Variants in ZDHHC21 observed in about 807,000 individuals in gnomAD.
The protein encoded by ZDHHC21 is palmitoyltransferase ZDHHC21.
Under a neutral mutation model 34.6 loss-of-function variants are expected in ZDHHC21, and 15 were observed. That is an observed-to-expected ratio of 0.43 (90% CI 0.29 to 0.67). The LOEUF is 0.67. ZDHHC21 is among the 30% of genes least tolerant of loss of function. ZDHHC21 has a pLI of 0.14. For synonymous variants in ZDHHC21, 142 were observed against 101.8 expected (o/e 1.40, Z -2.38); for missense variants, 344 against 327.7 (o/e 1.05, Z -0.38).
intron 5 of ZDHHC21, among the ~76,000 whole-genome samples, chr9:14,672,380 A>T (rs1835622504): frequency 6.6e-6 from 1 of 152,090 alleles, no homozygotes; most frequent in African/African-American, 2.4e-5. Flanking sequence ...AGCACCAAAA[A>T]GTACATTATG....
rs1401627684 is a variant in ZDHHC21, at chr9:14,613,656, T to C, written c.*5310A>G. The C allele has an allele frequency of 1.3e-5, 2 of 151,790 alleles. No homozygotes were observed. The highest frequency in any genetic ancestry group is 3.0e-5 in the Non-Finnish European group (2 of 67,770). 9.4% of individuals were successfully genotyped at this position (151,790 alleles called of 1,614,324 possible). On this transcript the variant is annotated 3_prime_UTR_variant, in exon 10 of 10. Transcript: ENST00000380916. ...AGAACGACATTACATGTTACAGATA[T>C]TCAAAATACCAATAGAAATGGAGAC...
At chr9:14,654,559 G>C (rs909289982) in intron 7 of ZDHHC21, among the ~76,000 whole-genome samples, 1 of 151,930 alleles carries the variant, frequency 6.6e-6, no homozygotes, top group African/African-American at 2.4e-5. Flanking sequence ...GACCCACAAG[G>C]GGATCTCAAA....
chr9:14,624,241 C>T (rs1356335567), intron 8 of ZDHHC21, among the ~76,000 whole-genome samples: 2 of 152,024 alleles, frequency 1.3e-5, no homozygotes, highest in Non-Finnish European at 2.9e-5. Flanking sequence ...TATTCAAATA[C>T]TACACCATTT....
chr9:14,675,255 T>G (rs1357749947), intron 3 of ZDHHC21, among the ~76,000 whole-genome samples: 1 of 151,878 alleles, frequency 6.6e-6, no homozygotes, highest in Non-Finnish European at 1.5e-5. Flanking sequence ...ATCCATACTT[T>G]GGTAGATATA....
At chr9:14,678,408 T>C (rs928811815) in intron 3 of ZDHHC21, among the ~76,000 whole-genome samples, 2 of 151,678 alleles carry the variant, frequency 1.3e-5, no homozygotes, top group Non-Finnish European at 1.5e-5. Flanking sequence ...AACATAAATA[T>C]ATAAAGAAGC....
intron 8 of ZDHHC21, among the ~76,000 whole-genome samples, chr9:14,635,734 A>C (rs1263474009): frequency 6.6e-6 from 1 of 152,164 alleles, no homozygotes; most frequent in Non-Finnish European, 1.5e-5. Flanking sequence ...AAAACACATG[A>C]AAGTATAAAA....
chr9:14,678,954 G>C (rs1023466570), intron 3 of ZDHHC21, among the ~76,000 whole-genome samples: 2 of 151,970 alleles, frequency 1.3e-5, no homozygotes, highest in Non-Finnish European at 2.9e-5. Context: ...AGTGGAGAGG[G>C]AACAGACCGT....
At chr9:14,605,243 A>G in the ZDHHC21 span, among the ~76,000 whole-genome samples, 1 of 151,282 alleles carries the variant, frequency 6.6e-6, no homozygotes, top group Non-Finnish European at 1.5e-5. Context: ...GGAATCCTGA[A>G]TCATATAGCA....
At chr9:14,619,752 C>T in intron 8 of ZDHHC21, 70 bp from the exon 9 acceptor site, 2 of 917,568 alleles carry the variant, frequency 2.2e-6, no homozygotes, top group South Asian at 2.0e-5. Context: ...TCCACTCTAT[C>T]ATGTTTTTAA....
chr9:14,658,257 T>C (rs1443029614), intron 7 of ZDHHC21, among the ~76,000 whole-genome samples: 1 of 152,086 alleles, frequency 6.6e-6, no homozygotes. Context: ...TAAATAACCA[T>C]AAATGAATTT....
intron 8 of ZDHHC21, among the ~76,000 whole-genome samples, chr9:14,624,023 CA>C (rs1825779151): frequency 6.6e-6 from 1 of 152,102 alleles, no homozygotes; most frequent in Non-Finnish European, 1.5e-5. Context: ...GGTACACTGT[CA>C]GCCCTCCATA....
At chr9:14,685,701 T>A (rs1331585939) in intron 2 of ZDHHC21, among the ~76,000 whole-genome samples, 15 of 152,244 alleles carry the variant, frequency 9.9e-5, no homozygotes, top group Admixed American at 9.8e-4. Context: ...ATCCCATTAC[T>A]GGGTATATAC....
the ZDHHC21 span, among the ~76,000 whole-genome samples, chr9:14,601,140 A>G: frequency 2.2e-4 from 33 of 152,360 alleles, no homozygotes; most frequent in African/African-American, 7.7e-4. Flanking sequence ...AAAAGCCAAA[A>G]TTGACAAATG....
chr9:14,654,367 G>A (rs1342228881), intron 7 of ZDHHC21, among the ~76,000 whole-genome samples: 6 of 148,292 alleles, frequency 4.0e-5, no homozygotes, highest in African/African-American at 1.5e-4. Context: ...CCCCTGATTG[G>A]ATAAAAATGA....
intron 8 of ZDHHC21, among the ~76,000 whole-genome samples, chr9:14,623,339 C>T (rs1825641834): frequency 1.3e-5 from 2 of 151,874 alleles, no homozygotes; most frequent in African/African-American, 4.8e-5. Context: ...ATAGTGAGAG[C>T]CTGTCTCTAC....
At chr9:14,654,835 G>C (rs1435257786) in intron 7 of ZDHHC21, among the ~76,000 whole-genome samples, 3 of 151,916 alleles carry the variant, frequency 2.0e-5, no homozygotes, top group Admixed American at 1.3e-4. Context: ...GAATAAAAAA[G>C]GAAAGTTAAG....
intron 7 of ZDHHC21, among the ~76,000 whole-genome samples, chr9:14,657,152 T>A (rs776998425): frequency 4.6e-5 from 7 of 152,062 alleles, no homozygotes; most frequent in African/African-American, 7.2e-5. Flanking sequence ...CTTCATTTGA[T>A]TATTGGAATT....
chr9:14,633,794 G>A (rs146968071), intron 8 of ZDHHC21, among the ~76,000 whole-genome samples: 8 of 152,300 alleles, frequency 5.3e-5, no homozygotes, highest in African/African-American at 1.9e-4. Flanking sequence ...CTGCCAGGCT[G>A]AAGTACAAGC....
At chr9:14,608,328 A>G (rs949489881), downstream of ZDHHC21, among the ~76,000 whole-genome samples, 1 of 152,124 alleles carries the variant, frequency 6.6e-6, no homozygotes, top group Non-Finnish European at 1.5e-5. Flanking sequence ...AACATGTCTA[A>G]TTTTTTAAAG....
Sources: gnomAD v4.1 joint callset for allele counts (sites outside exome capture counted in the v4.1 genomes callset) on GRCh38, gnomAD v4.1.1 for gene constraint, MANE v1.5 for transcripts, NCBI Gene and HGNC (gene_info 2026-07-23, HGNC 2026-07-21) for gene names.